Variants in CSTF2 observed in about 807,000 individuals in gnomAD.
The protein encoded by CSTF2 is cleavage stimulation factor subunit 2.
CSTF2 carries 8 observed loss-of-function variants against 45.4 expected under a neutral mutation model. That is an observed-to-expected ratio of 0.18 (90% CI 0.10 to 0.32). The LOEUF is 0.32. CSTF2 is among the 10% of genes least tolerant of loss of function. The pLI, the probability that CSTF2 is intolerant of heterozygous loss-of-function variation, is 1.00. For missense variants in CSTF2, 253 were observed against 477.1 expected (o/e 0.53, Z 4.38); for synonymous variants, 155 against 158.9 (o/e 0.98, Z 0.18).
In CSTF2 at chrX:100,824,209, T is replaced by G. The variant is rs1486938096; in HGVS notation, c.654T>G (p.Asn218Lys). ...GTGCTGGGCCTGGCTCAGGATCCAA[T>G]GTGTCAATGAACCAGCAGAATCCTC... ...VHGAGPGSGS[N>K]VSMNQQNPQA... The change falls in exon 6 of 14, where the codon AAT becomes AAG. Residue 218 changes from asparagine to lysine, a missense_variant. Around this residue, in one of 3 missense-constraint regions of CSTF2, gnomAD observed 200 missense variants for 294.0 expected, o/e 0.68. Transcript: ENST00000372972. 8.3e-7 allele frequency: 1 copy of G among 1,210,406 alleles called. No homozygotes were observed. The highest frequency in any genetic ancestry group is 1.7e-5 in the African/African-American group (1 of 57,330).
chrX:100,829,154 T>A (rs2084960173), intron 8 of CSTF2, among the ~76,000 whole-genome samples: 1 of 111,980 alleles, frequency 8.9e-6, no homozygotes, highest in Non-Finnish European at 1.9e-5. Context: ...CTTAAGGTTT[T>A]TTCTTTTGTA....
chrX:100,832,892 C>T lies in CSTF2; in HGVS notation c.1190C>T (p.Pro397Leu). The T allele has an allele frequency of 8.3e-7, 1 of 1,203,751 alleles. No homozygotes were observed. The highest frequency in any genetic ancestry group is 1.8e-5 in the South Asian group (1 of 55,427). The change falls in exon 10 of 14, where the codon CCA becomes CTA. Residue 397 changes from proline to leucine, a missense_variant. This residue lies in a region of CSTF2 where 200 missense variants were observed against 294.0 expected (regional missense o/e 0.68). Transcript: ENST00000372972. Reference protein sequence around the residue: ...PRGPMLDQRGPPLDGRGGRDP... With the variant: ...PRGPMLDQRGLPLDGRGGRDP... ...GGACCCATGCTAGATCAGAGGGGTC[C>T]ACCCTTGGATGGCAGAGGTAAGGGG...
At chrX:100,834,033 A>G (rs1268976432) in intron 11 of CSTF2, among the ~76,000 whole-genome samples, 1 of 111,957 alleles carries the variant, frequency 8.9e-6, no homozygotes, top group Non-Finnish European at 1.9e-5. Context: ...AAGGCAGTTT[A>G]TTAATAATCA....
chrX:100,836,201 GTTT>G (rs2085007340), intron 11 of CSTF2, among the ~76,000 whole-genome samples: 2 of 112,087 alleles, frequency 1.8e-5, no homozygotes, highest in Admixed American at 1.9e-4. Flanking sequence ...ATTCTACCAA[GTTT>G]TTTAACTTTT....
chrX:100,832,671 CTGGT>C, intron 9 of CSTF2, 59 bp from the exon 10 acceptor site: 1 of 1,011,474 alleles, frequency 9.9e-7, no homozygotes, highest in South Asian at 2.8e-5. Context: ...ACTTACTGAT[CTGGT>C]TGGTACTTTG....
chrX:100,829,114 G>GA, intron 8 of CSTF2, among the ~76,000 whole-genome samples: 1 of 111,997 alleles, frequency 8.9e-6, no homozygotes, highest in East Asian at 2.8e-4. Context: ...AAAATGATGG[G>GA]AAAGACTGCT....
At chrX:100,834,828 G>A (rs908939599) in intron 11 of CSTF2, among the ~76,000 whole-genome samples, 5 of 111,722 alleles carry the variant, frequency 4.5e-5, no homozygotes, top group African/African-American at 1.3e-4. Context: ...TACATAATGC[G>A]CTTACATAAT....
At chrX:100,831,420 G>A in intron 8 of CSTF2, 95 bp from the exon 9 acceptor site, 1 of 1,006,018 alleles carries the variant, frequency 9.9e-7, no homozygotes. Flanking sequence ...CCCACTCTAA[G>A]GTGTCTGAAT....
intron 8 of CSTF2, 26 bp downstream of exon 8, chrX:100,828,128 A>C (rs368898975): frequency 3.5e-6 from 4 of 1,139,410 alleles, no homozygotes; most frequent in Non-Finnish European, 4.8e-6. Context: ...TGTCTGACTA[A>C]TGTTAATTGG....
Position 100,822,356 on chromosome X carries a change from A to G in CSTF2, c.243A>G (p.Glu81=), listed in dbSNP as rs1448392568. The G allele has an allele frequency of 8.3e-7, 1 of 1,209,507 alleles. No homozygotes were observed. Among genetic ancestry groups the G allele is most frequent in the African/African-American group, 1.8e-5 (1 of 57,004 alleles). ...LSAMRNLNGR[E]FSGRALRVDN... Reference sequence around the variant, plus strand: ...CCATGCGGAACCTGAATGGGCGCGAATTCAGTGGGAGAGCACTTCGAGTGG... The same window carrying G: ...CCATGCGGAACCTGAATGGGCGCGAGTTCAGTGGGAGAGCACTTCGAGTGG... The change falls in exon 3 of 14, where the codon GAA becomes GAG. Residue 81 remains glutamate, a synonymous_variant. Coordinates refer to ENST00000372972, the MANE Select transcript of CSTF2 (RefSeq NM_001325.3).
chrX:100,838,890 T>C (rs528098972), intron 13 of CSTF2, among the ~76,000 whole-genome samples: 6 of 110,774 alleles, frequency 5.4e-5, no homozygotes, highest in African/African-American at 2.0e-4. Flanking sequence ...ACCATCAGTT[T>C]CTATATATTT....
intron 11 of CSTF2, among the ~76,000 whole-genome samples, chrX:100,835,064 C>T (rs2084999637): frequency 9.1e-6 from 1 of 110,368 alleles, no homozygotes; most frequent in Non-Finnish European, 1.9e-5. Flanking sequence ...AATATATTAA[C>T]TTATAAATAT....
chrX:100,831,540 T>C lies in CSTF2; in HGVS notation c.915T>C (p.Ala305=), dbSNP rs149172246. Residue 305 remains alanine, a synonymous_variant, in exon 9 of 14, where the codon GCT becomes GCC. Coordinates refer to ENST00000372972, the MANE Select transcript of CSTF2 (RefSeq NM_001325.3). The stretch of plus-strand genomic sequence containing the variant: ...TGCCGATGCAAGACCCCAGAGCAGC[T>C]ATGCAGCGGGGATCCTTGCCTGCGA... The part of the protein sequence containing the change: ...GQVPMQDPRA[A]MQRGSLPANV... 610 of 1,209,939 alleles carry C rather than the reference T, an allele frequency of 5.0e-4. 2 individuals carry two copies. In the African/African-American group the frequency reaches 9.0e-3, roughly 18 times the overall value.
intron 13 of CSTF2, among the ~76,000 whole-genome samples, chrX:100,840,383 A>G (rs2085033098): frequency 8.9e-6 from 1 of 111,812 alleles, no homozygotes; most frequent in Non-Finnish European, 1.9e-5. Context: ...TTTAGGGAGT[A>G]TGGCATGCTA....
At chrX:100,834,747 G>A (rs2084997656) in intron 11 of CSTF2, among the ~76,000 whole-genome samples, 1 of 112,267 alleles carries the variant, frequency 8.9e-6, no homozygotes, top group South Asian at 3.7e-4. Flanking sequence ...ATACTGCAGT[G>A]TGAACAGAAC....
intron 11 of CSTF2, 115 bp from the exon 12 acceptor site, chrX:100,837,224 T>G: frequency 2.4e-6 from 1 of 420,853 alleles, no homozygotes; most frequent in South Asian, 5.9e-5. Flanking sequence ...AGTCATTGAT[T>G]TGCTTTTTTT....
chrX:100,827,033 A>G, intron 7 of CSTF2, among the ~76,000 whole-genome samples: 1 of 111,893 alleles, frequency 8.9e-6, no homozygotes, highest in Non-Finnish European at 1.9e-5. Context: ...AAATCAAGCC[A>G]GCAAAAATAG....
intron 2 of CSTF2, 135 bp from the exon 3 acceptor site, chrX:100,822,115 TA>T: frequency 2.0e-6 from 1 of 490,110 alleles, no homozygotes; most frequent in Non-Finnish European, 3.2e-6. Context: ...AAAAAAGTTT[TA>T]AAAAATATTT....
chrX:100,825,277 T>G (rs1205741071), intron 6 of CSTF2, among the ~76,000 whole-genome samples: 2 of 111,875 alleles, frequency 1.8e-5, no homozygotes, highest in Non-Finnish European at 3.8e-5. Context: ...TGGGTGGCTA[T>G]TTTATTTTCT....
Sources: allele counts gnomAD v4.1 joint callset (sites outside exome capture counted in the v4.1 genomes callset), GRCh38; gene constraint gnomAD v4.1.1; regional missense constraint gnomAD v4.1.1; transcripts MANE v1.5; gene names NCBI Gene and HGNC (gene_info 2026-07-23, HGNC 2026-07-21).